SEMA3D: variants seen among roughly 807,000 people sequenced by gnomAD.
The protein encoded by SEMA3D is semaphorin 3D.
SEMA3D carries 84 observed loss-of-function variants against 100.1 expected under a neutral mutation model. The ratio of observed to expected loss-of-function variants is 0.84; its 90% CI spans 0.70 to 1.01. SEMA3D has a LOEUF of 1.01. Ranked by LOEUF, SEMA3D falls within the 50% of genes least tolerant of loss-of-function variation. The pLI, the probability that SEMA3D is intolerant of heterozygous loss-of-function variation, is 0.00. For synonymous variants in SEMA3D, 312 were observed against 320.7 expected (o/e 0.97, Z 0.29); for missense variants, 875 against 934.1 (o/e 0.94, Z 0.82).
chr7:85,107,031 G>A (rs1190754067), intron 3 of SEMA3D, among the ~76,000 whole-genome samples: 1 of 151,930 alleles, frequency 6.6e-6, no homozygotes, highest in African/African-American at 2.4e-5. Context: ...CTTTGAATGT[G>A]TCTTCTCTTT....
the SEMA3D span, among the ~76,000 whole-genome samples, chr7:85,206,163 A>C: frequency 6.6e-6 from 1 of 152,038 alleles, no homozygotes; most frequent in Non-Finnish European, 1.5e-5. Context: ...TTCCACCCTA[A>C]CTTATGTAAT....
chr7:85,113,302 T>G (rs1301649859), intron 3 of SEMA3D, among the ~76,000 whole-genome samples: 1 of 152,132 alleles, frequency 6.6e-6, no homozygotes, highest in East Asian at 1.9e-4. Flanking sequence ...AATTTGGTAG[T>G]CATAAATATG....
intron 3 of SEMA3D, among the ~76,000 whole-genome samples, chr7:85,106,794 A>T (rs1438955599): frequency 6.6e-6 from 1 of 152,066 alleles, no homozygotes; most frequent in Non-Finnish European, 1.5e-5. Context: ...GGGCAGCAGG[A>T]TGAAAAATGA....
chr7:85,081,489 A>G (rs553009841), intron 5 of SEMA3D, 28 bp downstream of exon 5: 3 of 1,467,786 alleles, frequency 2.0e-6, no homozygotes, highest in Non-Finnish European at 1.9e-6. Flanking sequence ...AAGTTTTACA[A>G]AGATAATTGT....
chr7:85,210,422 A>T, the SEMA3D span, among the ~76,000 whole-genome samples: 1 of 152,094 alleles, frequency 6.6e-6, no homozygotes, highest in African/African-American at 2.4e-5. Context: ...GACATTCCAT[A>T]GTTAATTGGA....
At chr7:85,091,161 GGAAGGAAGGAAA>G (rs1788381836) in intron 4 of SEMA3D, among the ~76,000 whole-genome samples, 1 of 122,908 alleles carries the variant, frequency 8.1e-6, no homozygotes, top group African/African-American at 4.6e-5. Context: ...AGGGAAGGAA[GGAAGGAAGGAAA>G]GAAGGAAGGA....
At chr7:85,162,192 A>G (rs1441727649) in intron 1 of SEMA3D, among the ~76,000 whole-genome samples, 1 of 152,102 alleles carries the variant, frequency 6.6e-6, no homozygotes, top group Non-Finnish European at 1.5e-5. Context: ...AGCCAAAGTC[A>G]AGTAGAAAGA....
At chr7:85,021,429 C>T (rs1279432752) in intron 13 of SEMA3D, among the ~76,000 whole-genome samples, 2 of 151,744 alleles carry the variant, frequency 1.3e-5, no homozygotes, top group Non-Finnish European at 2.9e-5. Flanking sequence ...TCTCTTTTGT[C>T]TTGGGAATAT....
chr7:85,091,164 A>C (rs533922487), intron 4 of SEMA3D, among the ~76,000 whole-genome samples: 1 of 122,256 alleles, frequency 8.2e-6, no homozygotes, highest in African/African-American at 4.5e-5. Flanking sequence ...GAAGGAAGGA[A>C]GGAAGGAAAG....
At chr7:85,115,304 C>G (rs929907861) in intron 3 of SEMA3D, among the ~76,000 whole-genome samples, 3 of 152,108 alleles carry the variant, frequency 2.0e-5, no homozygotes, top group African/African-American at 7.2e-5. Flanking sequence ...CTCTCAGTAT[C>G]TCGGTATCCT....
At chr7:85,006,650 A>G in intron 18 of SEMA3D, 152 bp downstream of exon 18, 2 of 527,796 alleles carry the variant, frequency 3.8e-6, no homozygotes, top group Non-Finnish European at 6.3e-6. Context: ...TCTTATCTCA[A>G]AGCTATTGTT....
rs1473303228 is a variant in SEMA3D at position 85,049,705 on chromosome 7, C to T, written c.861+6012G>A. Among the ~76,000 whole-genome samples the T allele has an allele frequency of 8.6e-5, 13 of 151,848 alleles. 1 individual carries two copies. The highest frequency in any genetic ancestry group is 4.4e-5 in the Non-Finnish European group (3 of 67,856). On this transcript the variant is annotated intron_variant, in intron 9 of 18. Transcript: ENST00000284136. ...GATCAATAAATACGGAAAGTGTCAT[C>T]GGCCTAAAAACACAAATCTTCAAAG... is the stretch of plus-strand genomic sequence containing the variant.
chr7:85,036,764 C>T (rs1008190778), intron 12 of SEMA3D, 125 bp downstream of exon 12: 2 of 721,626 alleles, frequency 2.8e-6, no homozygotes, highest in Non-Finnish European at 4.3e-6. Context: ...AATGCTAATA[C>T]TTCACTGCAA....
At chr7:85,147,092 C>CTT (rs752922884) in intron 2 of SEMA3D, among the ~76,000 whole-genome samples, 89 of 48,148 alleles carry the variant, frequency 1.8e-3, no homozygotes, top group Non-Finnish European at 2.8e-3. Flanking sequence ...TTTTTCTTTT[C>CTT]TTTTTTTTTT....
chr7:85,078,909 A>G (rs1364291239), intron 5 of SEMA3D, among the ~76,000 whole-genome samples: 1 of 152,204 alleles, frequency 6.6e-6, no homozygotes, highest in Non-Finnish European at 1.5e-5. Context: ...AAAACCACAG[A>G]GCTGTCTCAG....
At chr7:85,140,378 G>A (rs1177840176) in intron 2 of SEMA3D, 2 of 980,104 alleles carry the variant, frequency 2.0e-6, no homozygotes, top group Non-Finnish European at 2.4e-6. Flanking sequence ...GTAGATGTTG[G>A]TAAATTATTC....
chr7:85,238,750 G>T, the SEMA3D span, among the ~76,000 whole-genome samples: 1 of 152,268 alleles, frequency 6.6e-6, no homozygotes, highest in South Asian at 2.1e-4. Context: ...GCTATTGTTT[G>T]GGATTGCATT....
At chr7:85,078,116 A>G (rs1787937016) in intron 5 of SEMA3D, among the ~76,000 whole-genome samples, 2 of 152,196 alleles carry the variant, frequency 1.3e-5, no homozygotes, top group African/African-American at 2.4e-5. Context: ...TAGTAAATAG[A>G]TAAGATAGAA....
At chr7:85,092,981 C>T (rs1788441466) in intron 4 of SEMA3D, among the ~76,000 whole-genome samples, 1 of 151,970 alleles carries the variant, frequency 6.6e-6, no homozygotes, top group Admixed American at 6.6e-5. Flanking sequence ...CCAAGGCTAT[C>T]TACTGAAAGA....
Sources: allele counts gnomAD v4.1 joint callset (sites outside exome capture counted in the v4.1 genomes callset), GRCh38; gene constraint gnomAD v4.1.1; transcripts MANE v1.5; gene names NCBI Gene and HGNC (gene_info 2026-07-23, HGNC 2026-07-21).